THSD7B: variants seen among roughly 807,000 people sequenced by gnomAD.
The protein encoded by THSD7B is thrombospondin type 1 domain containing 7B.
Under a neutral mutation model 213.6 loss-of-function variants are expected in THSD7B, and 138 were observed. The ratio of observed to expected loss-of-function variants is 0.65; its 90% CI spans 0.56 to 0.74. The LOEUF (loss-of-function observed/expected upper bound fraction) is 0.74. Ranked by LOEUF, THSD7B falls within the 30% of genes least tolerant of loss-of-function variation. The pLI, the probability that THSD7B is intolerant of heterozygous loss-of-function variation, is 0.00. For synonymous variants in THSD7B, 742 were observed against 687.0 expected, an observed-to-expected ratio of 1.08 and a Z score of -1.25; for missense variants, 1,931 against 1,991.5, an observed-to-expected ratio of 0.97 and a Z score of 0.58.
At chr2:136,896,900 T>C (rs1683968729) in intron 2 of THSD7B, among the ~76,000 whole-genome samples, 1 of 151,940 alleles carries the variant, frequency 6.6e-6, no homozygotes, top group South Asian at 2.1e-4. Flanking sequence ...CATTGATCTA[T>C]AGTCTATACA....
chr2:137,312,419 A>G (rs1683940653), intron 12 of THSD7B, among the ~76,000 whole-genome samples: 1 of 143,802 alleles, frequency 7.0e-6, no homozygotes, highest in Non-Finnish European at 1.5e-5. Context: ...TCGTCTTGCT[A>G]GTGGTCTATC....
At chr2:136,935,637 G>A (rs1208250149) in intron 2 of THSD7B, among the ~76,000 whole-genome samples, 1 of 152,028 alleles carries the variant, frequency 6.6e-6, no homozygotes, top group East Asian at 1.9e-4. Context: ...GATTCAGATT[G>A]TGAACCCAGT....
At chr2:137,096,082 G>A (rs1688034011) in intron 4 of THSD7B, among the ~76,000 whole-genome samples, 1 of 152,020 alleles carries the variant, frequency 6.6e-6, no homozygotes, top group Non-Finnish European at 1.5e-5. Context: ...TTTCCTTTAG[G>A]TTGTTGGCTC....
chr2:137,466,236 C>T (rs1001184420), intron 15 of THSD7B, among the ~76,000 whole-genome samples: 16 of 152,102 alleles, frequency 1.1e-4, no homozygotes, highest in African/African-American at 3.9e-4. Context: ...AAGACTTTAA[C>T]TCAGTGTACT....
intron 12 of THSD7B, among the ~76,000 whole-genome samples, chr2:137,289,920 A>G (rs1683284856): frequency 6.6e-6 from 1 of 152,040 alleles, no homozygotes; most frequent in Non-Finnish European, 1.5e-5. Flanking sequence ...GGATTTGGAA[A>G]AGAAAATCCT....
chr2:137,674,855 C>T (rs1305070355), intron 27 of THSD7B, among the ~76,000 whole-genome samples: 1 of 152,124 alleles, frequency 6.6e-6, no homozygotes, highest in Non-Finnish European at 1.5e-5. Context: ...TCTGCAGTTC[C>T]TTTTAGGGTT....
chr2:137,638,718 G>A lies in THSD7B; in HGVS notation c.3800-3770G>A, dbSNP rs543718830. On this transcript the variant is annotated intron_variant, in intron 20 of 27. Coordinates refer to ENST00000409968, the MANE Select transcript of THSD7B (RefSeq NM_001316349.2). ...GATAGTGATATGAACAATAAAGTTC[G>A]GGCTGAGGTGGTCTCAGATGGAGAT... Among the ~76,000 whole-genome samples the A allele has an allele frequency of 2.0e-5, 3 of 152,262 alleles. No individual in the cohort carries two copies. The South Asian group carries it at 6.2e-4, about 32-fold the overall frequency.
chr2:137,001,636 C>G (rs1262590506), intron 2 of THSD7B, among the ~76,000 whole-genome samples: 5 of 152,118 alleles, frequency 3.3e-5, no homozygotes, highest in Non-Finnish European at 7.4e-5. Flanking sequence ...CTTACAGAAG[C>G]CAAACTTTCT....
intron 20 of THSD7B, among the ~76,000 whole-genome samples, chr2:137,629,146 A>G (rs183415250): frequency 6.6e-6 from 1 of 152,290 alleles, no homozygotes; most frequent in East Asian, 1.9e-4. Flanking sequence ...AGAAAGTTGA[A>G]AGGGGAAGAG....
At chr2:137,296,871 T>C (rs1405294545) in intron 12 of THSD7B, among the ~76,000 whole-genome samples, 2 of 152,108 alleles carry the variant, frequency 1.3e-5, no homozygotes, top group African/African-American at 4.8e-5. Context: ...TCCTTGCTCA[T>C]TGATTAGTCC....
chr2:136,805,151 T>C (rs1355560053), intron 1 of THSD7B, among the ~76,000 whole-genome samples: 2 of 152,210 alleles, frequency 1.3e-5, no homozygotes, highest in African/African-American at 4.8e-5. Flanking sequence ...TGCAGAACCA[T>C]ATAGACTGCA....
intron 2 of THSD7B, among the ~76,000 whole-genome samples, chr2:136,953,836 C>CT (rs373643593): frequency 2.0e-5 from 3 of 152,182 alleles, no homozygotes; most frequent in Non-Finnish European, 2.9e-5. Context: ...TTACTGTGCT[C>CT]TTTCCTGTCG....
At chr2:137,314,273 A>T (rs931030188) in intron 12 of THSD7B, among the ~76,000 whole-genome samples, 1 of 152,052 alleles carries the variant, frequency 6.6e-6, no homozygotes, top group Non-Finnish European at 1.5e-5. Flanking sequence ...TCCATCACTG[A>T]TACCCTGTCT....
At chr2:136,892,031 A>G (rs1316012788) in intron 2 of THSD7B, among the ~76,000 whole-genome samples, 1 of 152,058 alleles carries the variant, frequency 6.6e-6, no homozygotes, top group Non-Finnish European at 1.5e-5. Flanking sequence ...GAAATTCTTC[A>G]GGTATCCCTT....
At chr2:137,584,215 T>C (rs1317439417) in intron 17 of THSD7B, among the ~76,000 whole-genome samples, 1 of 152,228 alleles carries the variant, frequency 6.6e-6, no homozygotes, top group Non-Finnish European at 1.5e-5. Context: ...CTGAAGTTGC[T>C]TATCAGCTTA....
intron 1 of THSD7B, among the ~76,000 whole-genome samples, chr2:136,832,479 T>C (rs1029292705): frequency 4.6e-5 from 7 of 152,180 alleles, no homozygotes; most frequent in Non-Finnish European, 1.5e-5. Flanking sequence ...ATGGTTAGGT[T>C]GATGCCCACC....
At chr2:137,608,463 G>A (rs555141594) in intron 17 of THSD7B, among the ~76,000 whole-genome samples, 3 of 151,926 alleles carry the variant, frequency 2.0e-5, no homozygotes, top group African/African-American at 7.2e-5. Flanking sequence ...AGACCTCCCA[G>A]ATTGAAATCC....
At chr2:136,933,689 C>CTT (rs147177857) in intron 2 of THSD7B, among the ~76,000 whole-genome samples, 4 of 151,626 alleles carry the variant, frequency 2.6e-5, no homozygotes, top group Admixed American at 6.6e-5. Flanking sequence ...AATAATCAAT[C>CTT]TCTTCTTCTC....
At chr2:137,307,270 A>T (rs968368101) in intron 12 of THSD7B, among the ~76,000 whole-genome samples, 1 of 152,212 alleles carries the variant, frequency 6.6e-6, no homozygotes, top group East Asian at 1.9e-4. Context: ...TATTGGTGCT[A>T]CTAGTAGAAC....
Sources: allele counts gnomAD v4.1 joint callset (sites outside exome capture counted in the v4.1 genomes callset), GRCh38; gene constraint gnomAD v4.1.1; transcripts MANE v1.5; gene names NCBI Gene and HGNC (gene_info 2026-07-23, HGNC 2026-07-21).